ZNF804B: variants seen among roughly 807,000 people sequenced by gnomAD.
ZNF804B encodes zinc finger protein 804B.
Under a neutral mutation model 101.4 loss-of-function variants are expected in ZNF804B, and 80 were observed. The ratio of observed to expected loss-of-function variants is 0.79; its 90% confidence interval spans 0.66 to 0.95. The LOEUF (loss-of-function observed/expected upper bound fraction) is 0.95, where lower values mean the gene tolerates loss of function less well. Among genes scored for constraint, ZNF804B ranks in the 40% least tolerant of loss-of-function variants. ZNF804B has a pLI of 0.00. For missense variants in ZNF804B, 1,673 were observed against 1,561.9 expected (o/e 1.07, Z -1.20); for synonymous variants, 622 against 558.8 (o/e 1.11, Z -1.59).
At chr7:89,185,791 C>G (rs976322915) in intron 1 of ZNF804B, among the ~76,000 whole-genome samples, 2 of 151,778 alleles carry the variant, frequency 1.3e-5, no homozygotes, top group Non-Finnish European at 2.9e-5. Flanking sequence ...ATCCTGGAGA[C>G]GGAGGTTGCA....
At chr7:88,953,767 C>T (rs180975530) in intron 1 of ZNF804B, among the ~76,000 whole-genome samples, 1 of 151,722 alleles carries the variant, frequency 6.6e-6, no homozygotes, top group Non-Finnish European at 1.5e-5. Flanking sequence ...AAAAGGTTGT[C>T]TACCTTCCCC....
At chr7:88,882,177 A>G (rs1362161106) in intron 1 of ZNF804B, among the ~76,000 whole-genome samples, 4 of 152,144 alleles carry the variant, frequency 2.6e-5, no homozygotes, top group Admixed American at 6.6e-5. Context: ...AGAATTAACA[A>G]TGGTGCAATT....
intron 1 of ZNF804B, among the ~76,000 whole-genome samples, chr7:88,866,699 C>T (rs999641518): frequency 6.6e-6 from 1 of 152,188 alleles, no homozygotes; most frequent in East Asian, 1.9e-4. Flanking sequence ...ACAGAACAAC[C>T]TCTCAGCTCA....
chr7:89,274,162 TC>T (rs1487621499), intron 2 of ZNF804B, among the ~76,000 whole-genome samples: 1 of 106,280 alleles, frequency 9.4e-6, no homozygotes, highest in African/African-American at 3.5e-5. Flanking sequence ...ATTTTCTTTT[TC>T]TTTTTTTTTA....
chr7:89,308,529 T>G (rs982259020), intron 2 of ZNF804B, among the ~76,000 whole-genome samples: 3 of 152,176 alleles, frequency 2.0e-5, no homozygotes, highest in Admixed American at 6.5e-5. Context: ...TTACTAACAG[T>G]TAAATAATAC....
rs186838571 is a variant in ZNF804B, at chr7:88,781,739, T to C, written c.108+21655T>C. On this transcript the variant is annotated intron_variant, in intron 1 of 3. Coordinates refer to ENST00000333190, the MANE Select transcript of ZNF804B (RefSeq NM_181646.5). ...AGTTAGTGAGTGAAAAATCTGAGAT[T>C]TGAACACAGATCCTCAAATATGAAA... Among the ~76,000 whole-genome samples, 3 of 146,508 alleles carry C rather than the reference T, an allele frequency of 2.0e-5. No homozygotes were observed. In the East Asian group the frequency reaches 6.7e-4, roughly 33 times the overall value.
chr7:89,001,658 A>G (rs1236304425), intron 1 of ZNF804B, among the ~76,000 whole-genome samples: 1 of 151,984 alleles, frequency 6.6e-6, no homozygotes, highest in Non-Finnish European at 1.5e-5. Flanking sequence ...AGGCTTTGAT[A>G]ATTCAAAGCA....
intron 1 of ZNF804B, among the ~76,000 whole-genome samples, chr7:88,884,375 G>C (rs550332060): frequency 5.9e-5 from 9 of 151,560 alleles, no homozygotes; most frequent in Non-Finnish European, 1.3e-4. Flanking sequence ...TTATATGTCT[G>C]ACTTACATTG....
At chr7:88,802,897 G>A (rs947555754) in intron 1 of ZNF804B, among the ~76,000 whole-genome samples, 2 of 152,052 alleles carry the variant, frequency 1.3e-5, no homozygotes, top group African/African-American at 2.4e-5. Flanking sequence ...TGCCAGTTAC[G>A]TTAAATGCAC....
At chr7:89,023,615 TAA>T (rs1450721143) in intron 1 of ZNF804B, among the ~76,000 whole-genome samples, 1 of 152,192 alleles carries the variant, frequency 6.6e-6, no homozygotes, top group African/African-American at 2.4e-5. Flanking sequence ...GCGAAAGTCT[TAA>T]AAGTCTCTCC....
intron 1 of ZNF804B, among the ~76,000 whole-genome samples, chr7:89,093,823 A>G (rs910726815): frequency 6.6e-6 from 1 of 152,232 alleles, no homozygotes; most frequent in African/African-American, 2.4e-5. Context: ...TTACTAGTTC[A>G]GATACTGAAA....
intron 1 of ZNF804B, among the ~76,000 whole-genome samples, chr7:89,046,679 G>T (rs1470672958): frequency 6.6e-6 from 1 of 151,954 alleles, no homozygotes; most frequent in African/African-American, 2.4e-5. Context: ...TGAAAATTTT[G>T]ATTTTGATTT....
At chr7:88,819,957 A>G (rs1268414254) in intron 1 of ZNF804B, among the ~76,000 whole-genome samples, 1 of 152,170 alleles carries the variant, frequency 6.6e-6, no homozygotes, top group Non-Finnish European at 1.5e-5. Context: ...CTTAAGGGTA[A>G]CTTTTCAACA....
At chr7:89,179,375 T>C (rs1316418840) in intron 1 of ZNF804B, among the ~76,000 whole-genome samples, 1 of 152,152 alleles carries the variant, frequency 6.6e-6, no homozygotes, top group Non-Finnish European at 1.5e-5. Flanking sequence ...CCGACTGTCT[T>C]TAAGCTCACT....
chr7:89,019,478 A>T (rs960715203), intron 1 of ZNF804B, among the ~76,000 whole-genome samples: 1 of 152,032 alleles, frequency 6.6e-6, no homozygotes, highest in Non-Finnish European at 1.5e-5. Context: ...TGTTTTGTAA[A>T]TATCTATTAA....
chr7:88,847,674 T>C (rs1252234320), intron 1 of ZNF804B, among the ~76,000 whole-genome samples: 1 of 152,064 alleles, frequency 6.6e-6, no homozygotes, highest in African/African-American at 2.4e-5. Context: ...TTTAATAAAA[T>C]AAATTATGAT....
At chr7:88,882,240 A>T (rs998872390) in intron 1 of ZNF804B, among the ~76,000 whole-genome samples, 21 of 152,180 alleles carry the variant, frequency 1.4e-4, no homozygotes, top group African/African-American at 4.6e-4. Context: ...TTTCAAAAGA[A>T]GACATACAAA....
chr7:89,305,278 C>G (rs888937641), intron 2 of ZNF804B, among the ~76,000 whole-genome samples: 1 of 151,824 alleles, frequency 6.6e-6, no homozygotes, highest in Non-Finnish European at 1.5e-5. Context: ...GGCCACCAGT[C>G]AATTTGATTT....
At chr7:89,215,017 T>C (rs1788868547) in intron 1 of ZNF804B, among the ~76,000 whole-genome samples, 1 of 152,170 alleles carries the variant, frequency 6.6e-6, no homozygotes, top group Non-Finnish European at 1.5e-5. Context: ...TAATAGAGAT[T>C]TCTATCCTTA....
Sources: gnomAD v4.1 joint callset for allele counts (sites outside exome capture counted in the v4.1 genomes callset) on GRCh38, gnomAD v4.1.1 for gene constraint, MANE v1.5 for transcripts, NCBI Gene and HGNC (gene_info 2026-07-23, HGNC 2026-07-21) for gene names.